The following GRIK3 variants were observed in gnomAD, a reference collection of about 807,000 sequenced individuals.
GRIK3 encodes the protein glutamate receptor ionotropic, kainate 3.
GRIK3 carries 29 observed loss-of-function variants against 102.5 expected under a neutral mutation model. The ratio of observed to expected loss-of-function variants is 0.28; its 90% CI spans 0.21 to 0.39. GRIK3 has a LOEUF of 0.39. GRIK3 is among the 10% of genes least tolerant of loss of function. GRIK3 has a pLI of 1.00. For missense variants in GRIK3, 908 were observed against 1,252.4 expected, an observed-to-expected ratio of 0.73 and a Z score of 4.15; for synonymous variants, 511 against 504.9, an observed-to-expected ratio of 1.01 and a Z score of -0.16.
At chr1:37,013,102 G>T (rs55945131) in intron 1 of GRIK3, among the ~76,000 whole-genome samples, 8 of 152,184 alleles carry the variant, frequency 5.3e-5, no homozygotes, top group African/African-American at 9.6e-5. Context: ...TAAAAGGCAC[G>T]TCTTACATGG....
chr1:36,830,007 C>A (rs1294397634), intron 10 of GRIK3, among the ~76,000 whole-genome samples: 1 of 152,224 alleles, frequency 6.6e-6, no homozygotes, highest in East Asian at 1.9e-4. Flanking sequence ...CAGCTTGCTG[C>A]CTGTGTCTGG....
At chr1:36,832,317 G>A (rs1018872224) in intron 10 of GRIK3, among the ~76,000 whole-genome samples, 4 of 152,186 alleles carry the variant, frequency 2.6e-5, no homozygotes, top group Non-Finnish European at 5.9e-5. Context: ...GGATGTTGCT[G>A]GTTTAGACGA....
At chr1:37,001,845 A>T (rs1463610535) in intron 1 of GRIK3, among the ~76,000 whole-genome samples, 1 of 152,154 alleles carries the variant, frequency 6.6e-6, no homozygotes, top group Non-Finnish European at 1.5e-5. Flanking sequence ...GTTGTCAAGC[A>T]AATTACCACT....
intron 10 of GRIK3, among the ~76,000 whole-genome samples, chr1:36,827,797 G>A (rs1264950457): frequency 6.6e-6 from 1 of 152,032 alleles, no homozygotes; most frequent in East Asian, 1.9e-4. Flanking sequence ...GGGAGCAGCT[G>A]GGAAATACAA....
rs1449285801 is a variant in GRIK3, at chr1:36,801,190, CTG to C, written c.*659_*660del. The C allele has an allele frequency of 6.6e-6, 1 of 152,306 alleles. No homozygotes were observed. Among genetic ancestry groups the C allele is most frequent in the Non-Finnish European group, 1.5e-5 (1 of 68,110 alleles). 9.4% of individuals were successfully genotyped at this position (152,306 alleles called of 1,614,324 possible). A position where few individuals can be genotyped will look rare whatever the true frequency, so the allele number is the denominator to read the frequency against. ...CCATAAGAATCCAAAATGGCGGCCT[CTG>C]TTTGTGCATTCTCTTCTCTCCCATA... is the stretch of plus-strand genomic sequence containing the variant. On this transcript the variant is annotated 3_prime_UTR_variant, in exon 16 of 16. Transcript: ENST00000373091.
At chr1:36,937,613 G>A (rs1641673588) in intron 1 of GRIK3, among the ~76,000 whole-genome samples, 1 of 152,140 alleles carries the variant, frequency 6.6e-6, no homozygotes, top group Admixed American at 6.5e-5. Flanking sequence ...AGCAGCGGTG[G>A]AGCAGAGGTG....
At chr1:36,875,449 T>G (rs1017524780) in intron 3 of GRIK3, among the ~76,000 whole-genome samples, 1 of 152,178 alleles carries the variant, frequency 6.6e-6, no homozygotes, top group African/African-American at 2.4e-5. Context: ...CCATGTAACT[T>G]TGCAGGGCCC....
intron 10 of GRIK3, among the ~76,000 whole-genome samples, chr1:36,836,285 C>T (rs994114229): frequency 1.3e-5 from 2 of 152,248 alleles, no homozygotes; most frequent in African/African-American, 2.4e-5. Context: ...ACATAAGGCC[C>T]TCCTCTCACA....
intron 1 of GRIK3, among the ~76,000 whole-genome samples, chr1:36,928,893 C>T (rs1031385520): frequency 6.6e-6 from 1 of 152,120 alleles, no homozygotes; most frequent in Non-Finnish European, 1.5e-5. Flanking sequence ...GTACAGGTGT[C>T]AAGGAACATG....
intron 13 of GRIK3, among the ~76,000 whole-genome samples, chr1:36,815,762 CTTTTT>C (rs1465297266): frequency 6.6e-6 from 1 of 151,876 alleles, no homozygotes; most frequent in African/African-American, 2.4e-5. Flanking sequence ...TTCTTTCTTT[CTTTTT>C]TTTATTTTTT....
At chr1:36,824,561 T>C (rs1391711318) in intron 11 of GRIK3, among the ~76,000 whole-genome samples, 1 of 152,050 alleles carries the variant, frequency 6.6e-6, no homozygotes, top group African/African-American at 2.4e-5. Flanking sequence ...AGGGCGGCTT[T>C]TAAAGAAGGC....
chr1:36,821,707 T>C (rs1202352637), intron 11 of GRIK3, among the ~76,000 whole-genome samples: 1 of 152,128 alleles, frequency 6.6e-6, no homozygotes, highest in African/African-American at 2.4e-5. Flanking sequence ...AACAGGGAGA[T>C]GCCATGGGGC....
At chr1:36,944,515 G>C (rs1641761711) in intron 1 of GRIK3, among the ~76,000 whole-genome samples, 1 of 152,196 alleles carries the variant, frequency 6.6e-6, no homozygotes, top group Non-Finnish European at 1.5e-5. Context: ...GGAAGAGAGG[G>C]AAGAGAGTGT....
At chr1:36,802,994 TGAA>T (rs1180691935) in intron 15 of GRIK3, among the ~76,000 whole-genome samples, 4 of 152,034 alleles carry the variant, frequency 2.6e-5, no homozygotes, top group Non-Finnish European at 5.9e-5. Context: ...CATGCAGCAG[TGAA>T]GAAGACGGAT....
intron 1 of GRIK3, among the ~76,000 whole-genome samples, chr1:36,976,718 G>C (rs1400706744): frequency 6.6e-6 from 1 of 151,954 alleles, no homozygotes; most frequent in Non-Finnish European, 1.5e-5. Flanking sequence ...ATCCTTCCTG[G>C]GGCTCTGAGT....
In GRIK3 at chr1:36,819,875, C is replaced by G. The variant is rs761722091; in HGVS notation, c.1755-21G>C. 3.0e-6 allele frequency: 4 copies of G among 1,331,502 alleles called. No individual in the cohort carries two copies. In the Admixed American group the frequency reaches 7.3e-5, roughly 24 times the overall value. 82.5% of individuals were successfully genotyped at this position (1,331,502 alleles called of 1,614,324 possible). ...TGAACCTGCCACAGGAGGAGAGGGA[C>G]AGTCAGCCTGGGAAGCAAGGGGCAT... is the stretch of plus-strand genomic sequence containing the variant. On this transcript the variant is annotated intron_variant, in intron 11 of 15. Transcript: ENST00000373091. This position sits in a 1 kb window ranked among gnomAD's most constrained non-coding sequence, Gnocchi z 4.1.
chr1:36,841,244 C>A (rs975519983), intron 10 of GRIK3, among the ~76,000 whole-genome samples: 4 of 152,158 alleles, frequency 2.6e-5, no homozygotes, highest in African/African-American at 9.7e-5. Context: ...TCCAGCCAGG[C>A]CCTGCTCATC....
At chr1:36,846,919 G>C (rs187925777) in intron 9 of GRIK3, among the ~76,000 whole-genome samples, 5 of 152,374 alleles carry the variant, frequency 3.3e-5, no homozygotes, top group African/African-American at 1.2e-4. Context: ...TGTAAAGACT[G>C]TGTCACATCC....
chr1:36,949,333 A>G (rs1315430677), intron 1 of GRIK3, among the ~76,000 whole-genome samples: 1 of 152,130 alleles, frequency 6.6e-6, no homozygotes, highest in Admixed American at 6.5e-5. Flanking sequence ...TGAAGCTACT[A>G]GAGGGCCCTC....
Sources: allele counts gnomAD v4.1 joint callset (sites outside exome capture counted in the v4.1 genomes callset), GRCh38; gene constraint gnomAD v4.1.1; non-coding constraint Gnocchi (gnomAD v3.1); transcripts MANE v1.5; gene names NCBI Gene and HGNC (gene_info 2026-07-23, HGNC 2026-07-21).